RYR2: variants seen among roughly 807,000 people sequenced by gnomAD.
RYR2 encodes ryanodine receptor 2, also known as cardiac muscle ryanodine receptor-calcium release channel.
RYR2 carries 227 observed loss-of-function variants against 601.1 expected under a neutral mutation model. The observed-to-expected ratio is 0.38, with a 90% CI of 0.34 to 0.42. The LOEUF is 0.42. RYR2 is among the 10% of genes least tolerant of loss of function. RYR2 has a pLI of 1.00. For missense variants in RYR2, 4,646 were observed against 6,156.5 expected (o/e 0.75, Z 8.21); for synonymous variants, 2,223 against 2,175.1 (o/e 1.02, Z -0.61).
intron 2 of RYR2, among the ~76,000 whole-genome samples, chr1:237,286,597 T>G (rs1038400875): frequency 3.4e-5 from 1 of 29,166 alleles, no homozygotes; most frequent in Non-Finnish European, 7.4e-5. Context: ...CTTTAAAATT[T>G]GTTTTGTCTG....
intron 89 of RYR2, among the ~76,000 whole-genome samples, chr1:237,782,477 C>T (rs1173068031): frequency 6.6e-6 from 1 of 152,210 alleles, no homozygotes; most frequent in Non-Finnish European, 1.5e-5. Context: ...GTCTGCCATA[C>T]ATGGCGTAAC....
chr1:237,456,912 A>G (rs1333575100), intron 16 of RYR2, among the ~76,000 whole-genome samples, 177 bp downstream of exon 16: 3 of 152,164 alleles, frequency 2.0e-5, no homozygotes, highest in African/African-American at 7.2e-5. Context: ...CCCCATCTCT[A>G]CAAAAAATAA....
chr1:237,452,489 T>G (rs182454436), intron 14 of RYR2, among the ~76,000 whole-genome samples: 4,740 of 144,938 alleles, frequency 0.033, 103 homozygotes, highest in Non-Finnish European at 0.053. Flanking sequence ...TAATATATAC[T>G]ATATATAATG....
chr1:237,568,689 A>G (rs146090571), intron 28 of RYR2, among the ~76,000 whole-genome samples: 84 of 152,290 alleles, frequency 5.5e-4, no homozygotes, highest in African/African-American at 1.9e-3. Context: ...TTTGAAATAG[A>G]TGAAAATTAC....
intron 1 of RYR2, among the ~76,000 whole-genome samples, chr1:237,195,955 T>C (rs1382332481): frequency 1.3e-5 from 2 of 152,248 alleles, no homozygotes; most frequent in Non-Finnish European, 2.9e-5. Context: ...ATTTCAGTGT[T>C]AAAATAGCCA....
chr1:237,067,168 G>A (rs531314717), intron 1 of RYR2, among the ~76,000 whole-genome samples: 1 of 135,136 alleles, frequency 7.4e-6, no homozygotes, highest in South Asian at 2.6e-4. Flanking sequence ...AAATTTATTG[G>A]TATTTTTCTT....
intron 2 of RYR2, among the ~76,000 whole-genome samples, chr1:237,288,492 C>A (rs1691816745): frequency 6.6e-6 from 1 of 151,592 alleles, no homozygotes. Flanking sequence ...GCTGCAGCTG[C>A]TCTCGGGGGT....
intron 32 of RYR2, among the ~76,000 whole-genome samples, chr1:237,592,645 A>T (rs72769752): frequency 0.03 from 4,486 of 149,320 alleles, 123 homozygotes; most frequent in Middle Eastern, 0.072. Context: ...AAAAAAAAAA[A>T]GTGAGCTTAA....
At chr1:237,621,810 A>T (rs555535307) in intron 38 of RYR2, among the ~76,000 whole-genome samples, 16 of 152,232 alleles carry the variant, frequency 1.1e-4, no homozygotes, top group Non-Finnish European at 2.1e-4. Flanking sequence ...GATTCCATTT[A>T]TGTAACATTC....
At chr1:237,759,996 G>T in intron 83 of RYR2, 144 bp downstream of exon 83, 1 of 639,504 alleles carries the variant, frequency 1.6e-6, no homozygotes, top group Non-Finnish European at 2.8e-6. Flanking sequence ...GCAGTGTCTT[G>T]TTTTCTATCT....
chr1:237,453,692 G>T lies in RYR2; in HGVS notation c.1293-699G>T, dbSNP rs532965024. Among the ~76,000 whole-genome samples, 402 of 152,100 alleles carry T rather than the reference G, an allele frequency of 2.6e-3. 6 individuals are homozygous for T. The highest frequency in any genetic ancestry group is 9.2e-3 in the African/African-American group (383 of 41,524). On this transcript the variant is annotated intron_variant, in intron 14 of 104. Coordinates refer to ENST00000366574, the MANE Select transcript of RYR2 (RefSeq NM_001035.3). Reference sequence around the variant, plus strand: ...TATTTTGAAATACTTTTGATCTGTAGACATGTTATAAAGTTCTTTTCAGAT... The same window carrying T: ...TATTTTGAAATACTTTTGATCTGTATACATGTTATAAAGTTCTTTTCAGAT...
intron 2 of RYR2, among the ~76,000 whole-genome samples, chr1:237,300,516 C>G (rs1405998249): frequency 6.6e-6 from 1 of 152,182 alleles, no homozygotes; most frequent in East Asian, 1.9e-4. Context: ...GGACCAAACA[C>G]TACTCTCGTC....
intron 1 of RYR2, among the ~76,000 whole-genome samples, chr1:237,126,934 TTCCGCAGTGTTTGTG>T (rs1164563247): frequency 6.6e-6 from 1 of 151,848 alleles, no homozygotes; most frequent in African/African-American, 2.4e-5. Flanking sequence ...CCCTGTGGCC[TTCCGCAGTGTTTGTG>T]TCCCTGGGTA....
chr1:237,329,026 G>A (rs1481705629), intron 2 of RYR2, among the ~76,000 whole-genome samples: 1 of 152,006 alleles, frequency 6.6e-6, no homozygotes, highest in African/African-American at 2.4e-5. Context: ...CTAAGCGAAA[G>A]CATACATGAT....
intron 71 of RYR2, among the ~76,000 whole-genome samples, chr1:237,715,691 A>G (rs1469942422): frequency 6.6e-6 from 1 of 152,120 alleles, no homozygotes; most frequent in Non-Finnish European, 1.5e-5. Flanking sequence ...AAAACTCCAA[A>G]CCAATACAAT....
At chr1:237,169,105 C>T (rs1286962523) in intron 1 of RYR2, among the ~76,000 whole-genome samples, 1 of 152,066 alleles carries the variant, frequency 6.6e-6, no homozygotes, top group Non-Finnish European at 1.5e-5. Context: ...AATAGGGATA[C>T]AATGAGATGT....
chr1:237,165,908 A>T lies in RYR2; in HGVS notation c.49-104589A>T, dbSNP rs1279537502. Among the ~76,000 whole-genome samples, 22 of 152,128 alleles carry T rather than the reference A, an allele frequency of 1.4e-4. 1 individual carries two copies. The highest frequency in any genetic ancestry group is 1.4e-3 in the Admixed American group (22 of 15,268). On this transcript the variant is annotated intron_variant, in intron 1 of 104. Coordinates refer to ENST00000366574, the MANE Select transcript of RYR2 (RefSeq NM_001035.3). ...CCTGTTGTCAGGCAAGGGTGTGAGG[A>T]CTGCTTGAGGCCAGGAGTTCAAAGC...
intron 1 of RYR2, among the ~76,000 whole-genome samples, chr1:237,200,637 G>C (rs937260821): frequency 2.0e-5 from 3 of 152,162 alleles, no homozygotes; most frequent in Admixed American, 6.5e-5. Context: ...TGCAGATTCT[G>C]GGGGGATTAC....
intron 1 of RYR2, among the ~76,000 whole-genome samples, chr1:237,133,652 T>G (rs1232573469): frequency 2.0e-5 from 3 of 152,140 alleles, no homozygotes; most frequent in Non-Finnish European, 2.9e-5. Context: ...GCAACTTGTA[T>G]AAGAAGTGGG....
Sources: gnomAD v4.1 joint callset for allele counts (sites outside exome capture counted in the v4.1 genomes callset) on GRCh38, gnomAD v4.1.1 for gene constraint, MANE v1.5 for transcripts, NCBI Gene and HGNC (gene_info 2026-07-23, HGNC 2026-07-21) for gene names.